Variants in ANO6 observed in about 807,000 individuals in gnomAD.
ANO6 encodes the protein anoctamin 6.
A neutral mutation model predicts 117.5 loss-of-function variants in ANO6; 106 were observed. That is an observed-to-expected ratio of 0.90 (90% CI 0.77 to 1.06). The LOEUF (loss-of-function observed/expected upper bound fraction) is 1.06, where lower values mean the gene tolerates loss of function less well. Among genes scored for constraint, ANO6 ranks in the 50% least tolerant of loss-of-function variants. The pLI is 0.00. For missense variants in ANO6, 955 were observed against 1,121.1 expected (o/e 0.85, Z 2.12); for synonymous variants, 367 against 385.1 (o/e 0.95, Z 0.55).
chr12:45,359,303 T>C (rs1231586430), intron 8 of ANO6, among the ~76,000 whole-genome samples: 1 of 152,232 alleles, frequency 6.6e-6, no homozygotes, highest in Non-Finnish European at 1.5e-5. Context: ...ATCTACTCAG[T>C]ATGTAATAAA....
chr12:45,301,912 C>A, intron 1 of ANO6, 102 bp from the exon 2 acceptor site: 2 of 937,408 alleles, frequency 2.1e-6, no homozygotes, highest in Non-Finnish European at 3.5e-6. Flanking sequence ...TGTCAATGTG[C>A]TACCAATGTT....
At chr12:45,325,091 A>C (rs1940415292) in intron 2 of ANO6, among the ~76,000 whole-genome samples, 1 of 152,216 alleles carries the variant, frequency 6.6e-6, no homozygotes, top group Non-Finnish European at 1.5e-5. Context: ...TACAGTTACG[A>C]AGTCAAGCTA....
chr12:45,292,660 G>A, intron 1 of ANO6: 1 of 1,224,370 alleles, frequency 8.2e-7, no homozygotes, highest in Non-Finnish European at 1.0e-6. Flanking sequence ...TTAACTTCTA[G>A]ATGTATTTTT....
chr12:45,280,943 A>G (rs1938710642), intron 1 of ANO6, among the ~76,000 whole-genome samples: 1 of 152,112 alleles, frequency 6.6e-6, no homozygotes, highest in Non-Finnish European at 1.5e-5. Context: ...GCATGTTTAC[A>G]TTCATCTTTG....
At chr12:45,229,515 G>A (rs1408098487) in intron 1 of ANO6, among the ~76,000 whole-genome samples, 1 of 148,752 alleles carries the variant, frequency 6.7e-6, no homozygotes. Flanking sequence ...TCAGCCTCCC[G>A]AGTAGCTGGG....
Position 45,423,051 on chromosome 12 carries a change from A to T in ANO6, c.2515A>T (p.Ile839Phe). 6.2e-7 allele frequency: 1 copy of T among 1,611,360 alleles called. No homozygotes were observed. The highest frequency in any genetic ancestry group is 8.5e-7 in the Non-Finnish European group (1 of 1,177,494). ...GATTGCAGCCAAGCTGGCTTTTATC[A>T]TTGTCATGGAGGTAGGAAAAGTATG... ...HVIAAKLAFI[I>F]VMEHVIYSVK... The change falls in exon 19 of 20, where the codon ATT (isoleucine) becomes TTT (phenylalanine). Residue 839 changes from isoleucine to phenylalanine, a missense_variant. Transcript: ENST00000320560.
chr12:45,423,764 A>T (rs1021708007), intron 19 of ANO6, among the ~76,000 whole-genome samples: 6 of 152,172 alleles, frequency 3.9e-5, no homozygotes, highest in African/African-American at 1.4e-4. Context: ...GGCTGCTGAA[A>T]TTCCAGTTAA....
intron 9 of ANO6, among the ~76,000 whole-genome samples, chr12:45,371,188 C>T (rs4512918): frequency 0.02 from 3,050 of 152,288 alleles, 41 homozygotes; most frequent in East Asian, 0.038. Context: ...GATTATATCC[C>T]GCACCTGGCT....
At chr12:45,237,178 C>T (rs1418977153) in intron 1 of ANO6, among the ~76,000 whole-genome samples, 5 of 152,176 alleles carry the variant, frequency 3.3e-5, no homozygotes, top group Admixed American at 6.5e-5. Flanking sequence ...TGTAGGTTGC[C>T]TGTTCACTCT....
intron 8 of ANO6, among the ~76,000 whole-genome samples, chr12:45,358,145 G>A (rs1245839437): frequency 3.3e-5 from 5 of 152,202 alleles, no homozygotes; most frequent in African/African-American, 1.2e-4. Flanking sequence ...ATATCTGGCT[G>A]CTATCCAGGT....
chr12:45,402,288 A>C (rs935864898), intron 13 of ANO6, among the ~76,000 whole-genome samples: 2 of 152,228 alleles, frequency 1.3e-5, no homozygotes, highest in Non-Finnish European at 2.9e-5. Flanking sequence ...ACATTAGATC[A>C]TGTACTCTAT....
chr12:45,388,033 T>C (rs1205900876), intron 10 of ANO6, 128 bp from the exon 11 acceptor site: 3 of 1,233,780 alleles, frequency 2.4e-6, no homozygotes, highest in African/African-American at 3.0e-5. Context: ...AATTACCCAG[T>C]CCAGGTAGTT....
chr12:45,308,983 A>G (rs193075518), intron 2 of ANO6, among the ~76,000 whole-genome samples: 25 of 152,248 alleles, frequency 1.6e-4, no homozygotes, highest in African/African-American at 6.0e-4. Flanking sequence ...CAGATTGATT[A>G]GAAAAAGTCG....
chr12:45,288,354 A>G (rs527712251), intron 1 of ANO6, among the ~76,000 whole-genome samples: 5 of 152,334 alleles, frequency 3.3e-5, no homozygotes, highest in African/African-American at 4.8e-5. Flanking sequence ...AATCATTTTC[A>G]TCTTGAAAAA....
At chr12:45,277,114 C>A (rs1044809617) in intron 1 of ANO6, among the ~76,000 whole-genome samples, 3 of 152,110 alleles carry the variant, frequency 2.0e-5, no homozygotes, top group Non-Finnish European at 4.4e-5. Context: ...CTCTTTTTCA[C>A]CTACTCCAGC....
rs868607236 is a variant in ANO6, at chr12:45,352,563, A to T, written c.863+1789A>T. On this transcript the variant is annotated intron_variant, in intron 7 of 19. Coordinates refer to ENST00000320560, the MANE Select transcript of ANO6 (RefSeq NM_001025356.3). ...GCAGCATAGTGAGATCCAGTCTTAA[A>T]AAAAAAAAAAAAAAAAAAAGCCAGG... Among the ~76,000 whole-genome samples, 78 of 143,642 alleles carry T rather than the reference A, an allele frequency of 5.4e-4. 2 individuals are homozygous for T. The highest frequency in any genetic ancestry group is 1.7e-3 in the African/African-American group (68 of 39,008). The allele number at this position is 143,642 out of a possible 152,430, so 94.2% of individuals were successfully genotyped here.
chr12:45,311,373 A>G (rs984704360), intron 2 of ANO6, among the ~76,000 whole-genome samples: 1 of 152,106 alleles, frequency 6.6e-6, no homozygotes, highest in African/African-American at 2.4e-5. Flanking sequence ...TGTGATAACA[A>G]TGTCAAAAGG....
intron 1 of ANO6, chr12:45,293,102 T>A: frequency 1.7e-6 from 1 of 573,216 alleles, no homozygotes. Flanking sequence ...TATGGTGCAG[T>A]GCAATATGGT....
chr12:45,398,672 A>C (rs1010838296), intron 12 of ANO6, among the ~76,000 whole-genome samples: 1 of 152,116 alleles, frequency 6.6e-6, no homozygotes, highest in African/African-American at 2.4e-5. Context: ...ACCTTCAAAC[A>C]GTGGAATGTT....
Sources: allele counts gnomAD v4.1 joint callset (sites outside exome capture counted in the v4.1 genomes callset), GRCh38; gene constraint gnomAD v4.1.1; transcripts MANE v1.5; gene names NCBI Gene and HGNC (gene_info 2026-07-23, HGNC 2026-07-21).